Variants in COL19A1 observed in about 807,000 individuals in gnomAD.
The protein encoded by COL19A1 is collagen type XIX alpha 1 chain.
In COL19A1, 159 loss-of-function variants were observed where a neutral mutation model predicts 190.2. The observed-to-expected ratio is 0.84, with a 90% CI of 0.73 to 0.95. The LOEUF (loss-of-function observed/expected upper bound fraction) is 0.95. COL19A1 is among the 40% of genes least tolerant of loss of function. COL19A1 has a pLI of 0.00. For missense variants in COL19A1, 1,418 were observed against 1,431.9 expected (o/e 0.99, Z 0.16); for synonymous variants, 509 against 458.9 (o/e 1.11, Z -1.39).
At chr6:69,883,588 G>A (rs773977822) in intron 2 of COL19A1, among the ~76,000 whole-genome samples, 1 of 152,188 alleles carries the variant, frequency 6.6e-6, no homozygotes, top group Non-Finnish European at 1.5e-5. Flanking sequence ...GACAAATTAT[G>A]TTTTCTTTCC....
intron 11 of COL19A1, among the ~76,000 whole-genome samples, chr6:69,995,455 A>G (rs1186146245): frequency 1.3e-5 from 2 of 152,154 alleles, no homozygotes; most frequent in Non-Finnish European, 2.9e-5. Context: ...CAATTAGCCA[A>G]GTTAACTAGG....
chr6:69,952,290 C>T (rs749531021), intron 9 of COL19A1, among the ~76,000 whole-genome samples: 3 of 151,658 alleles, frequency 2.0e-5, no homozygotes, highest in Non-Finnish European at 2.9e-5. Flanking sequence ...TCAAACATTC[C>T]GCGCTTGACT....
rs1215610292 is a variant in COL19A1, at chr6:70,162,014, A to G, written c.2346+61A>G. The G allele has an allele frequency of 1.4e-5, 20 of 1,460,830 alleles. No individual in the cohort carries two copies. The Admixed American group carries it at 2.0e-4, about 15-fold the overall frequency. The allele number at this position is 1,460,830 out of a possible 1,614,324, so 90.5% of individuals were successfully genotyped here. On this transcript the variant is annotated intron_variant, in intron 35 of 50. Transcript: ENST00000620364. ...ATATCTGCTGGTTTGATGCAAGGTG[A>G]ATTAATTTTCTTCATTGCCTTTTGT...
rs533268994 is a variant in COL19A1, at chr6:70,177,774, TCA to T, written c.2667+1213_2667+1214del. Among the ~76,000 whole-genome samples, 20 of 152,356 alleles carry T rather than the reference TCA, an allele frequency of 1.3e-4. No homozygotes were observed. The South Asian group carries it at 3.5e-3, about 27-fold the overall frequency. On this transcript the variant is annotated intron_variant, in intron 42 of 50. Transcript: ENST00000620364. Reference sequence around the variant, plus strand: ...CCTTTACAACCTGTTCCTCTTATACTCACATCCTGTGATTTGAATTTTTGTTT... The same window carrying T: ...CCTTTACAACCTGTTCCTCTTATACTCATCCTGTGATTTGAATTTTTGTTT...
chr6:69,895,156 G>A (rs568586133), intron 2 of COL19A1, among the ~76,000 whole-genome samples: 4 of 152,250 alleles, frequency 2.6e-5, no homozygotes, highest in East Asian at 3.9e-4. Context: ...TGAGCCATGC[G>A]TCCTAGCACT....
At chr6:70,116,317 C>T (rs1319583345) in intron 16 of COL19A1, among the ~76,000 whole-genome samples, 7 of 152,286 alleles carry the variant, frequency 4.6e-5, no homozygotes, top group African/African-American at 1.7e-4. Context: ...AAATGGCTTT[C>T]TCCACAGACT....
At chr6:70,064,810 A>G (rs1781076028) in intron 14 of COL19A1, among the ~76,000 whole-genome samples, 1 of 152,220 alleles carries the variant, frequency 6.6e-6, no homozygotes, top group South Asian at 2.1e-4. Context: ...TTATACACCA[A>G]TAACAAACAA....
At chr6:70,065,916 C>T (rs765934686) in intron 14 of COL19A1, among the ~76,000 whole-genome samples, 1 of 152,196 alleles carries the variant, frequency 6.6e-6, no homozygotes, top group African/African-American at 2.4e-5. Flanking sequence ...GAGATATTAT[C>T]TCACACCAGT....
intron 32 of COL19A1, 42 bp from the exon 33 acceptor site, chr6:70,156,274 T>C: frequency 6.2e-7 from 1 of 1,613,088 alleles, no homozygotes; most frequent in East Asian, 2.2e-5. Context: ...GTGGGTTACA[T>C]GTAGTGCATC....
At chr6:69,942,914 T>A (rs1334907438) in intron 9 of COL19A1, among the ~76,000 whole-genome samples, 2 of 152,148 alleles carry the variant, frequency 1.3e-5, no homozygotes, top group Non-Finnish European at 2.9e-5. Flanking sequence ...TGGATACATA[T>A]CCCCAGTGGG....
At chr6:69,942,373 G>C (rs1321306771) in intron 9 of COL19A1, among the ~76,000 whole-genome samples, 1 of 151,808 alleles carries the variant, frequency 6.6e-6, no homozygotes, top group Non-Finnish European at 1.5e-5. Context: ...TCTTTGTATT[G>C]GGAACATTCA....
At chr6:70,180,238 G>A (rs1478589010) in intron 42 of COL19A1, 74 bp from the exon 43 acceptor site, 1 of 1,553,108 alleles carries the variant, frequency 6.4e-7, no homozygotes, top group Admixed American at 1.7e-5. Context: ...CTCAATTGGG[G>A]TTGGGGGAAG....
intron 12 of COL19A1, among the ~76,000 whole-genome samples, chr6:70,026,236 TTTAA>T (rs1312155886): frequency 6.6e-6 from 1 of 152,228 alleles, no homozygotes; most frequent in Non-Finnish European, 1.5e-5. Flanking sequence ...TTTTGGGCTT[TTTAA>T]TTAATCAACT....
intron 16 of COL19A1, among the ~76,000 whole-genome samples, chr6:70,113,031 T>A (rs754455095): frequency 2.7e-4 from 41 of 152,194 alleles, no homozygotes; most frequent in Non-Finnish European, 5.3e-4. Flanking sequence ...CTTCACCTGT[T>A]AATCGCACTG....
chr6:70,207,062 G>A, intron 50 of COL19A1, 84 bp downstream of exon 50: 1 of 1,602,320 alleles, frequency 6.2e-7, no homozygotes, highest in African/African-American at 1.3e-5. Flanking sequence ...TATATGTCAA[G>A]TCGAGTGATC....
At chr6:70,035,874 T>C (rs1021613157) in intron 13 of COL19A1, 30 bp from the exon 14 acceptor site, 7 of 1,600,040 alleles carry the variant, frequency 4.4e-6, no homozygotes, top group Middle Eastern at 3.3e-4. Flanking sequence ...GGACTAGTGG[T>C]AATTGTAGCT....
intron 48 of COL19A1, among the ~76,000 whole-genome samples, chr6:70,195,959 G>T (rs1767170491): frequency 6.6e-6 from 1 of 152,140 alleles, no homozygotes; most frequent in Non-Finnish European, 1.5e-5. Flanking sequence ...GATTCAGGAG[G>T]TAGTTAAAGC....
intron 6 of COL19A1, among the ~76,000 whole-genome samples, chr6:69,929,908 C>A (rs913868559): frequency 6.6e-6 from 1 of 152,044 alleles, no homozygotes; most frequent in Non-Finnish European, 1.5e-5. Context: ...CCATTTTATA[C>A]CCATTTTCTC....
At chr6:70,123,100 C>T (rs979245705) in intron 17 of COL19A1, among the ~76,000 whole-genome samples, 1 of 151,946 alleles carries the variant, frequency 6.6e-6, no homozygotes, top group Non-Finnish European at 1.5e-5. Context: ...TGAACTCAAA[C>T]AAATTTATAA....
Sources: allele counts gnomAD v4.1 joint callset (sites outside exome capture counted in the v4.1 genomes callset), GRCh38; gene constraint gnomAD v4.1.1; transcripts MANE v1.5; gene names NCBI Gene and HGNC (gene_info 2026-07-23, HGNC 2026-07-21).